The following PCDH11X variants were observed in gnomAD, a reference collection of about 807,000 sequenced individuals.
PCDH11X encodes the protein protocadherin 11 X-linked.
In PCDH11X, 18 loss-of-function variants were observed where a neutral mutation model predicts 53.3. That is an observed-to-expected ratio of 0.34 (90% CI 0.23 to 0.50). The LOEUF (loss-of-function observed/expected upper bound fraction) is 0.50, where lower values mean the gene tolerates loss of function less well. Among genes scored for constraint, PCDH11X ranks in the 20% least tolerant of loss-of-function variants. The probability of loss-of-function intolerance (pLI) is 0.98; values close to 1 mark genes in which losing one functional copy is unlikely to be tolerated. For missense variants in PCDH11X, 570 were observed against 1,032.4 expected, an observed-to-expected ratio of 0.55 and a Z score of 6.14; for synonymous variants, 279 against 393.3, an observed-to-expected ratio of 0.71 and a Z score of 3.44.
At chrX:92,369,548 G>A (rs2070562828) in intron 8 of PCDH11X, among the ~76,000 whole-genome samples, 1 of 111,009 alleles carries the variant, frequency 9.0e-6, no homozygotes, top group Non-Finnish European at 1.9e-5. Flanking sequence ...GGTTCCAGGT[G>A]CCACTGGGGT....
rs1298275260 is a variant in PCDH11X, at chrX:91,779,697, A to C, written c.-379+13A>C. On this transcript the variant is annotated intron_variant, in intron 1 of 10. Coordinates refer to ENST00000682573, the MANE Select transcript of PCDH11X (RefSeq NM_032968.5). Reference sequence around the variant, plus strand: ...GCATCGTTATTAGGTAAGTAACCGGACTGGGTACCTGTACAGGGTGCTGTC... The same window carrying C: ...GCATCGTTATTAGGTAAGTAACCGGCCTGGGTACCTGTACAGGGTGCTGTC... 18 of 98,185 alleles carry C rather than the reference A, an allele frequency of 1.8e-4. No individual in the cohort carries two copies. Among genetic ancestry groups the C allele is most frequent in the Admixed American group, 1.6e-3 (14 of 9,000 alleles). 8.1% of individuals were successfully genotyped at this position (98,185 alleles called of 1,213,427 possible). A position where few individuals can be genotyped will look rare whatever the true frequency, so the allele number is the denominator to read the frequency against.
At chrX:92,323,874 A>G (rs1266633487) in intron 8 of PCDH11X, among the ~76,000 whole-genome samples, 1 of 111,299 alleles carries the variant, frequency 9.0e-6, no homozygotes, top group Non-Finnish European at 1.9e-5. Context: ...AACTTTACAC[A>G]GTTTCAATTT....
chrX:92,182,901 C>A (rs2066021057), intron 6 of PCDH11X, among the ~76,000 whole-genome samples: 2 of 111,570 alleles, frequency 1.8e-5, no homozygotes, highest in African/African-American at 6.5e-5. Flanking sequence ...AGAGTCTCCA[C>A]CTGTATGTCT....
intron 9 of PCDH11X, among the ~76,000 whole-genome samples, chrX:92,417,072 G>T (rs933003420): frequency 4.5e-5 from 5 of 110,653 alleles, no homozygotes; most frequent in African/African-American, 1.6e-4. Flanking sequence ...AGCTATTGTG[G>T]TCCTCCCCTG....
chrX:92,597,119 C>T (rs1267223574), intron 10 of PCDH11X, among the ~76,000 whole-genome samples: 3 of 111,450 alleles, frequency 2.7e-5, no homozygotes, highest in Non-Finnish European at 3.8e-5. Context: ...AGATTTGCAA[C>T]GTGACAAGGA....
intron 4 of PCDH11X, among the ~76,000 whole-genome samples, chrX:91,828,867 C>G (rs192045343): frequency 9.0e-6 from 1 of 111,153 alleles, no homozygotes; most frequent in Non-Finnish European, 1.9e-5. Context: ...CATTTTCTGA[C>G]GACTAATATC....
chrX:92,032,542 T>C (rs1232947443), intron 6 of PCDH11X, among the ~76,000 whole-genome samples: 2 of 111,241 alleles, frequency 1.8e-5, no homozygotes, highest in Non-Finnish European at 3.8e-5. Context: ...TTAAAGTGGG[T>C]ATCCTTGTCG....
chrX:91,842,324 T>A (rs987602472), intron 5 of PCDH11X, among the ~76,000 whole-genome samples: 1 of 111,000 alleles, frequency 9.0e-6, no homozygotes, highest in African/African-American at 3.3e-5. Flanking sequence ...ATATTGAGTC[T>A]AATTTAATTA....
chrX:92,058,425 A>T (rs1337014938), intron 6 of PCDH11X, among the ~76,000 whole-genome samples: 1 of 110,225 alleles, frequency 9.1e-6, no homozygotes, highest in East Asian at 2.9e-4. Flanking sequence ...ATAACAAAAA[A>T]CCAATTTTTG....
At chrX:92,032,805 T>C (rs2063072335) in intron 6 of PCDH11X, among the ~76,000 whole-genome samples, 2 of 106,701 alleles carry the variant, frequency 1.9e-5, no homozygotes, top group South Asian at 8.5e-4. Flanking sequence ...ATATGTTGAA[T>C]AATTCTTGAA....
intron 10 of PCDH11X, among the ~76,000 whole-genome samples, chrX:92,505,439 C>A (rs182704645): frequency 8.6e-4 from 95 of 110,419 alleles, no homozygotes; most frequent in African/African-American, 2.8e-3. Flanking sequence ...TATCTCAACA[C>A]CTTCTATTGA....
At chrX:92,317,567 C>G (rs1470171947) in intron 8 of PCDH11X, among the ~76,000 whole-genome samples, 2 of 111,464 alleles carry the variant, frequency 1.8e-5, no homozygotes, top group East Asian at 5.6e-4. Flanking sequence ...AACTATTTCT[C>G]AGTTGGAATG....
chrX:91,964,658 A>C (rs772834128), intron 6 of PCDH11X, among the ~76,000 whole-genome samples: 18 of 112,407 alleles, frequency 1.6e-4, no homozygotes, highest in Non-Finnish European at 3.0e-4. Flanking sequence ...CTATTTGAAA[A>C]TGCTCCTGCT....
intron 1 of PCDH11X, among the ~76,000 whole-genome samples, chrX:91,801,015 C>T (rs1208886967): frequency 9.3e-6 from 1 of 107,268 alleles, no homozygotes; most frequent in Non-Finnish European, 1.9e-5. Flanking sequence ...CTCATCTCTA[C>T]CAAAAGTAAA....
intron 6 of PCDH11X, among the ~76,000 whole-genome samples, chrX:92,174,100 T>C (rs1333350720): frequency 2.8e-5 from 3 of 106,482 alleles, no homozygotes; most frequent in Non-Finnish European, 5.8e-5. Flanking sequence ...AGCAGACCTA[T>C]TATGGAGAGA....
In PCDH11X at chrX:91,835,274, A is replaced by G. The variant is rs1042417748; in HGVS notation, c.-44-187A>G. On this transcript the variant is annotated intron_variant, in intron 4 of 10. Coordinates refer to ENST00000682573, the MANE Select transcript of PCDH11X (RefSeq NM_032968.5). ...TAGGTATCTTATTTCATTTATCTTT[A>G]TTCTTAATGTACGAATTCATAATAT... The G allele has an allele frequency of 2.8e-6, 3 of 1,090,513 alleles. No homozygotes were observed. The African/African-American group carries it at 5.7e-5, about 21-fold the overall frequency. The allele number at this position is 1,090,513 out of a possible 1,213,427, so 89.9% of individuals were successfully genotyped here.
chrX:92,147,843 C>CTTTCTTTCTTTCTTTCTT (rs1265198496), intron 6 of PCDH11X, among the ~76,000 whole-genome samples: 86 of 97,592 alleles, frequency 8.8e-4, no homozygotes, highest in Non-Finnish European at 1.4e-3. Context: ...TTCTTTCTTT[C>CTTTCTTTCTTTCTTTCTT]TTTCTTTCTT....
chrX:92,442,474 A>G (rs1603316827), intron 9 of PCDH11X, among the ~76,000 whole-genome samples: 3 of 111,583 alleles, frequency 2.7e-5, no homozygotes, highest in African/African-American at 9.8e-5. Context: ...TGATGGTTCT[A>G]TAAGGGGGAG....
At chrX:92,005,082 C>A (rs1486766391) in intron 6 of PCDH11X, among the ~76,000 whole-genome samples, 1 of 111,086 alleles carries the variant, frequency 9.0e-6, no homozygotes, top group Admixed American at 9.6e-5. Context: ...CCTATGTGTG[C>A]CTTTTTAGGT....
Sources: allele counts gnomAD v4.1 joint callset (sites outside exome capture counted in the v4.1 genomes callset), GRCh38; gene constraint gnomAD v4.1.1; transcripts MANE v1.5; gene names NCBI Gene and HGNC (gene_info 2026-07-23, HGNC 2026-07-21).